The following ZNF618 variants were observed in gnomAD, a reference collection of about 807,000 sequenced individuals.
ZNF618 encodes the protein zinc finger protein 618.
Under a neutral mutation model 103.0 loss-of-function variants are expected in ZNF618, and 34 were observed. That is an observed-to-expected ratio of 0.33 (90% confidence interval 0.25 to 0.44). The LOEUF (loss-of-function observed/expected upper bound fraction) is 0.44, where lower values mean the gene tolerates loss of function less well. Ranked by LOEUF, ZNF618 falls within the 20% of genes least tolerant of loss-of-function variation. The probability of loss-of-function intolerance (pLI) is 1.00; values close to 1 mark genes in which losing one functional copy is unlikely to be tolerated. For synonymous variants in ZNF618, 551 were observed against 542.2 expected, an observed-to-expected ratio of 1.02 and a Z score of -0.23; for missense variants, 1,059 against 1,295.4, an observed-to-expected ratio of 0.82 and a Z score of 2.80.
In ZNF618 at chr9:114,053,813, C is replaced by T. The variant is rs961262289; in HGVS notation, c.*3646C>T. 2 of 152,252 alleles carry T rather than the reference C, an allele frequency of 1.3e-5. No individual in the cohort carries two copies. Among genetic ancestry groups the T allele is most frequent in the African/African-American group, 4.8e-5 (2 of 41,456 alleles). The allele number at this position is 152,252 out of a possible 1,614,324, so 9.4% of individuals were successfully genotyped here. On this transcript the variant is annotated 3_prime_UTR_variant, in exon 15 of 15. Coordinates refer to ENST00000374126, the MANE Select transcript of ZNF618 (RefSeq NM_001318042.2). ...GGAAACAAAACACATGCCACCTGAG[C>T]AAAACTGCCTGCACTTCATCTCTGG...
At chr9:113,985,200 C>T (rs887631622) in intron 2 of ZNF618, among the ~76,000 whole-genome samples, 1 of 152,198 alleles carries the variant, frequency 6.6e-6, no homozygotes, top group Non-Finnish European at 1.5e-5. Flanking sequence ...AGTCAAGTCA[C>T]TTATGTAGGA....
At chr9:113,877,869 A>C (rs1409586698) in intron 1 of ZNF618, among the ~76,000 whole-genome samples, 3 of 152,166 alleles carry the variant, frequency 2.0e-5, no homozygotes, top group Admixed American at 2.0e-4. Context: ...AAAATAAGAT[A>C]TGCATAATTA....
chr9:114,007,765 T>A (rs34685989), intron 7 of ZNF618, among the ~76,000 whole-genome samples: 2,541 of 152,320 alleles, frequency 0.017, 30 homozygotes, highest in Admixed American at 0.024. Context: ...TTAAACCGGT[T>A]TTAAAAAACG....
intron 2 of ZNF618, among the ~76,000 whole-genome samples, chr9:113,977,273 G>A (rs1206859177): frequency 6.6e-6 from 1 of 152,146 alleles, no homozygotes; most frequent in Non-Finnish European, 1.5e-5. Flanking sequence ...AGTTCTGCTG[G>A]GGCGCTTCCT....
Position 114,049,412 on chromosome 9 carries a change from G to A in ZNF618, c.2110G>A (p.Val704Met). Residue 704 changes from valine to methionine, a missense_variant, in exon 15 of 15, where the codon GTG (valine) becomes ATG (methionine). Physicochemically the swap from Val to Met is conservative, Grantham distance 21. Coordinates refer to ENST00000374126, the MANE Select transcript of ZNF618 (RefSeq NM_001318042.2). The stretch of plus-strand genomic sequence containing the variant: ...CTCGGTGACGGACTCACTGTTGCTG[G>A]TGCATGAGCGCTATGAGCAGATCTG... ...WNSVTDSLLLVHERYEQICEF... is the reference protein window; with the variant it reads ...WNSVTDSLLLMHERYEQICEF... The A allele has an allele frequency of 1.2e-6, 2 of 1,603,550 alleles. No homozygotes were observed. Among genetic ancestry groups the A allele is most frequent in the Non-Finnish European group, 8.5e-7 (1 of 1,175,288 alleles).
At position 113,937,929 on chromosome 9, in the gene ZNF618, G is replaced by A. The variant is rs565291891; in HGVS notation, c.34-31188G>A. Among the ~76,000 whole-genome samples, 129 of 152,094 alleles carry A rather than the reference G, an allele frequency of 8.5e-4. 2 individuals are homozygous for A. Among genetic ancestry groups the A allele is most frequent in the Non-Finnish European group, 4.4e-4 (30 of 67,988 alleles). On this transcript the variant is annotated intron_variant, in intron 1 of 14. Coordinates refer to ENST00000374126, the MANE Select transcript of ZNF618 (RefSeq NM_001318042.2). ...CTTCCTAGTGTGATGGCATATGTTA[G>A]TCTTTTAAAAAGTGTTTCAGATTTG...
intron 1 of ZNF618, among the ~76,000 whole-genome samples, chr9:113,938,046 A>G (rs895036036): frequency 6.6e-5 from 10 of 152,138 alleles, no homozygotes; most frequent in African/African-American, 2.2e-4. Flanking sequence ...TTTGACTGGA[A>G]TCACATTGAA....
At chr9:113,991,140 C>T (rs1840023529) in intron 3 of ZNF618, among the ~76,000 whole-genome samples, 1 of 152,216 alleles carries the variant, frequency 6.6e-6, no homozygotes, top group African/African-American at 2.4e-5. Flanking sequence ...GGGAATCTTC[C>T]TTAGGCCAGC....
chr9:113,989,978 C>T (rs549150337), intron 3 of ZNF618, among the ~76,000 whole-genome samples: 2 of 152,334 alleles, frequency 1.3e-5, no homozygotes, highest in South Asian at 2.1e-4. Flanking sequence ...TCTCTAGAGT[C>T]GAGGCCAGAG....
chr9:113,954,837 ACTT>A (rs1309502892), intron 1 of ZNF618, among the ~76,000 whole-genome samples: 3 of 152,134 alleles, frequency 2.0e-5, no homozygotes, highest in Non-Finnish European at 2.9e-5. Flanking sequence ...AGCCTGGGGT[ACTT>A]CTTCTCACCC....
At chr9:113,973,611 A>G (rs1838209084) in intron 2 of ZNF618, among the ~76,000 whole-genome samples, 1 of 152,218 alleles carries the variant, frequency 6.6e-6, no homozygotes, top group African/African-American at 2.4e-5. Flanking sequence ...TCTGGTGTGC[A>G]GGTTACAAAT....
chr9:113,939,019 A>G (rs1211562267), intron 1 of ZNF618, among the ~76,000 whole-genome samples: 4 of 151,188 alleles, frequency 2.6e-5, no homozygotes, highest in Non-Finnish European at 5.9e-5. Context: ...TTTTCAGGCA[A>G]TTGTATCTGC....
chr9:113,997,420 G>A (rs558520255), intron 3 of ZNF618, among the ~76,000 whole-genome samples: 1 of 152,332 alleles, frequency 6.6e-6, no homozygotes, highest in South Asian at 2.1e-4. Context: ...TCTTCCTGGT[G>A]CTTTCCAAGA....
intron 1 of ZNF618, among the ~76,000 whole-genome samples, chr9:113,910,890 G>C (rs1195816765): frequency 6.6e-6 from 1 of 151,958 alleles, no homozygotes; most frequent in Non-Finnish European, 1.5e-5. Flanking sequence ...GAGTGCAGTG[G>C]CACAATCTCA....
At chr9:114,002,095 C>T in intron 5 of ZNF618, 22 bp downstream of exon 5, 2 of 1,605,346 alleles carry the variant, frequency 1.2e-6, no homozygotes, top group East Asian at 2.2e-5. Context: ...GTCCCTGGGG[C>T]AGAGCCCAGG....
chr9:113,975,990 A>G (rs1215363850), intron 2 of ZNF618, among the ~76,000 whole-genome samples: 1 of 152,154 alleles, frequency 6.6e-6, no homozygotes, highest in Non-Finnish European at 1.5e-5. Flanking sequence ...ACTTACTCCA[A>G]AGGGGCCGGT....
intron 2 of ZNF618, among the ~76,000 whole-genome samples, chr9:113,969,691 C>T (rs1301151078): frequency 3.3e-5 from 5 of 152,112 alleles, no homozygotes; most frequent in Admixed American, 1.3e-4. Flanking sequence ...ACTGTTTTTA[C>T]CAAAGAAGGG....
chr9:113,889,347 T>TCCCTCCCTCCCTCCC (rs1477289947), intron 1 of ZNF618, among the ~76,000 whole-genome samples: 1 of 104,122 alleles, frequency 9.6e-6, no homozygotes, highest in East Asian at 2.5e-4. Context: ...CTCTCTCTCT[T>TCCCTCCCTCCCTCCC]TCTCTCCCTC....
At chr9:113,951,397 A>T (rs1461262095) in intron 1 of ZNF618, among the ~76,000 whole-genome samples, 1 of 50,988 alleles carries the variant, frequency 2.0e-5, no homozygotes, top group Non-Finnish European at 4.4e-5. Flanking sequence ...TTTCCTATAT[A>T]TATACGTATA....
Sources: gnomAD v4.1 joint callset for allele counts (sites outside exome capture counted in the v4.1 genomes callset) on GRCh38, gnomAD v4.1.1 for gene constraint, MANE v1.5 for transcripts, NCBI Gene and HGNC (gene_info 2026-07-23, HGNC 2026-07-21) for gene names.